The following ZC2HC1B variants were observed in gnomAD, a reference collection of about 807,000 sequenced individuals.
The protein encoded by ZC2HC1B is zinc finger C2HC domain-containing protein 1B.
In ZC2HC1B, 36 loss-of-function variants were observed where a neutral mutation model predicts 31.0. The ratio of observed to expected loss-of-function variants is 1.16; its 90% CI spans 0.89 to 1.54. The LOEUF (loss-of-function observed/expected upper bound fraction) is 1.54. Ranked by LOEUF, ZC2HC1B falls within the 40% of genes most tolerant of loss-of-function variation. ZC2HC1B has a pLI of 0.00. For missense variants in ZC2HC1B, 260 were observed against 268.6 expected, an observed-to-expected ratio of 0.97 and a Z score of 0.22; for synonymous variants, 73 against 88.0, an observed-to-expected ratio of 0.83 and a Z score of 0.95.
chr6:143,882,760 T>C (rs1447251152), intron 1 of ZC2HC1B, among the ~76,000 whole-genome samples: 1 of 152,094 alleles, frequency 6.6e-6, no homozygotes, highest in East Asian at 1.9e-4. Context: ...ACCTCCCTCA[T>C]TTCCATCCTG....
rs1167007715 is a variant in ZC2HC1B, at chr6:143,886,786, C to A, written c.314C>A (p.Pro105His). Reference protein sequence around the residue: ...QCMLAIKEGRPLPPPPPPSLN... With the variant: ...QCMLAIKEGRHLPPPPPPSLN... ...ATGCTAGCCATTAAAGAAGGCCGACCCCTCCCACCTCCACCCCCTCCATCC... is the reference window on the plus strand; with the variant it reads ...ATGCTAGCCATTAAAGAAGGCCGACACCTCCCACCTCCACCCCCTCCATCC... Residue 105 changes from proline to histidine, a missense_variant, in exon 4 of 8, where the codon CCC becomes CAC. By Grantham distance (77) the Pro-to-His change is moderately conservative. Coordinates refer to ENST00000237275, the MANE Select transcript of ZC2HC1B (RefSeq NM_001013623.3). This position sits in a 1 kb window ranked among gnomAD's most constrained non-coding sequence, Gnocchi z 4.2. The A allele has an allele frequency of 1.3e-6, 2 of 1,545,372 alleles. No individual in the cohort carries two copies. The highest frequency in any genetic ancestry group is 1.7e-6 in the Non-Finnish European group (2 of 1,144,116).
chr6:143,910,713 T>C (rs1055114203), intron 6 of ZC2HC1B, among the ~76,000 whole-genome samples: 1 of 152,222 alleles, frequency 6.6e-6, no homozygotes, highest in Non-Finnish European at 1.5e-5. Context: ...TTTACCTTTA[T>C]GTAATGCCCT....
chr6:143,920,898 C>A (rs1279565901), intron 6 of ZC2HC1B, among the ~76,000 whole-genome samples: 1 of 137,712 alleles, frequency 7.3e-6, no homozygotes, highest in Non-Finnish European at 1.5e-5. Flanking sequence ...CAGCGAGAGA[C>A]TCCGTCTCAA....
Position 143,915,976 on chromosome 6 carries a change from G to A in ZC2HC1B, c.598+12824G>A, listed in dbSNP as rs1304034646. Among the ~76,000 whole-genome samples, 1 of 152,192 alleles carries A rather than the reference G, an allele frequency of 6.6e-6. No homozygotes were observed. ...TGCAGAAATTTGTATAGGTAATGAGGAGCTGAATGTTAGTCCCCAAGACAA... is the reference window on the plus strand; with the variant it reads ...TGCAGAAATTTGTATAGGTAATGAGAAGCTGAATGTTAGTCCCCAAGACAA... On this transcript the variant is annotated intron_variant, in intron 6 of 7. Transcript: ENST00000237275. This position sits in a 1 kb window ranked among gnomAD's most constrained non-coding sequence, Gnocchi z 5.2.
rs1434183569 is a variant in ZC2HC1B, at chr6:143,865,504, C to T, written c.28+937C>T. Among the ~76,000 whole-genome samples, 1 of 152,172 alleles carries T rather than the reference C, an allele frequency of 6.6e-6. No individual in the cohort carries two copies. The highest frequency in any genetic ancestry group is 2.4e-5 in the African/African-American group (1 of 41,436). On this transcript the variant is annotated intron_variant, in intron 1 of 7. Transcript: ENST00000237275. This position sits in a 1 kb window ranked among gnomAD's most constrained non-coding sequence, Gnocchi z 4.4. ...CCTGCACGCATCCCTCCCCTGCATC[C>T]TTGACCCTCCTTCCCTGGTTTATGT...
chr6:143,879,794 T>TG, intron 1 of ZC2HC1B, among the ~76,000 whole-genome samples: 1 of 151,196 alleles, frequency 6.6e-6, no homozygotes, highest in East Asian at 1.9e-4. Context: ...TGTTTTTGTT[T>TG]TTTTTTTTTT....
chr6:143,914,851 C>G (rs527659090), intron 6 of ZC2HC1B, among the ~76,000 whole-genome samples: 4 of 152,020 alleles, frequency 2.6e-5, no homozygotes, highest in Non-Finnish European at 5.9e-5. Flanking sequence ...TATTTGCATG[C>G]TATATCTTTT....
rs1460913385 is a variant in ZC2HC1B at position 143,869,467 on chromosome 6, T to G, written c.28+4900T>G. On this transcript the variant is annotated intron_variant, in intron 1 of 7. Coordinates refer to ENST00000237275, the MANE Select transcript of ZC2HC1B (RefSeq NM_001013623.3). The surrounding 1 kb of genome is among the most constrained non-coding windows in gnomAD (Gnocchi z 5.2). ...GCATGCGCCCACTGCTGCACTTCTT[T>G]ATCTGTAAAGTGAGTGCCTCTCTCT... Among the ~76,000 whole-genome samples, 1 of 152,210 alleles carries G rather than the reference T, an allele frequency of 6.6e-6. No homozygotes were observed. Among genetic ancestry groups the G allele is most frequent in the Non-Finnish European group, 1.5e-5 (1 of 68,028 alleles).
intron 1 of ZC2HC1B, among the ~76,000 whole-genome samples, chr6:143,876,932 C>T (rs1353324290): frequency 6.6e-6 from 1 of 150,426 alleles, no homozygotes; most frequent in Non-Finnish European, 1.5e-5. Context: ...AGCCCACTGA[C>T]TCAAGTGTTA....
Position 143,865,825 on chromosome 6 carries a change from T to G in ZC2HC1B, c.28+1258T>G, listed in dbSNP as rs1777252883. Reference sequence around the variant, plus strand: ...TGAAGAATTTGTATCTTAAACTTTTTTTTTTTGCCAAGACAGGTCTTGCTC... The same window carrying G: ...TGAAGAATTTGTATCTTAAACTTTTGTTTTTTGCCAAGACAGGTCTTGCTC... On this transcript the variant is annotated intron_variant, in intron 1 of 7. Transcript: ENST00000237275. The surrounding 1 kb of genome is among the most constrained non-coding windows in gnomAD (Gnocchi z 4.4). 6.6e-6 allele frequency among the ~76,000 whole-genome samples: 1 copy of G among 152,180 alleles called. No homozygotes were observed. The highest frequency in any genetic ancestry group is 2.4e-5 in the African/African-American group (1 of 41,448).
In ZC2HC1B at chr6:143,911,795, C is replaced by A. The variant is rs984079413; in HGVS notation, c.598+8643C>A. Among the ~76,000 whole-genome samples, 1 of 152,018 alleles carries A rather than the reference C, an allele frequency of 6.6e-6. No individual in the cohort carries two copies. The highest frequency in any genetic ancestry group is 1.5e-5 in the Non-Finnish European group (1 of 68,018). Reference sequence around the variant, plus strand: ...ATTTTACTGGGGTTCTCCACATTTCCTGAATTTGAATATTGGCCTGTCATG... The same window carrying A: ...ATTTTACTGGGGTTCTCCACATTTCATGAATTTGAATATTGGCCTGTCATG... On this transcript the variant is annotated intron_variant, in intron 6 of 7. Coordinates refer to ENST00000237275, the MANE Select transcript of ZC2HC1B (RefSeq NM_001013623.3). The surrounding 1 kb of genome is among the most constrained non-coding windows in gnomAD (Gnocchi z 4.5).
rs150290551 is a variant in ZC2HC1B at position 143,921,864 on chromosome 6, G to T, written c.599-15785G>T. 2.4e-3 allele frequency among the ~76,000 whole-genome samples: 370 copies of T among 152,302 alleles called. 5 individuals are homozygous for T. The highest frequency in any genetic ancestry group is 0.014 in the Middle Eastern group (4 of 294). On this transcript the variant is annotated intron_variant, in intron 6 of 7. Coordinates refer to ENST00000237275, the MANE Select transcript of ZC2HC1B (RefSeq NM_001013623.3). This position sits in a 1 kb window ranked among gnomAD's most constrained non-coding sequence, Gnocchi z 6.1. ...GGAGGATTGCTTGAGTCCAGTACAA[G>T]TGTTCAAGGCTGCAATGAGCTATGA...
At position 143,918,335 on chromosome 6, in the gene ZC2HC1B, A is replaced by G. The variant is rs1159629454; in HGVS notation, c.598+15183A>G. On this transcript the variant is annotated intron_variant, in intron 6 of 7. Coordinates refer to ENST00000237275, the MANE Select transcript of ZC2HC1B (RefSeq NM_001013623.3). This position sits in a 1 kb window ranked among gnomAD's most constrained non-coding sequence, Gnocchi z 4.1. ...TTTTTGAAGGACAGTTTTTCTGTATATGAGATTTTTGGTTGACAGTTTTTT... is the reference window on the plus strand; with the variant it reads ...TTTTTGAAGGACAGTTTTTCTGTATGTGAGATTTTTGGTTGACAGTTTTTT... Among the ~76,000 whole-genome samples the G allele has an allele frequency of 6.6e-6, 1 of 152,098 alleles. No homozygotes were observed. Among genetic ancestry groups the G allele is most frequent in the African/African-American group, 2.4e-5 (1 of 41,414 alleles).
rs1474630918 is a variant in ZC2HC1B at position 143,923,759 on chromosome 6, A to G, written c.599-13890A>G. On this transcript the variant is annotated intron_variant, in intron 6 of 7. Transcript: ENST00000237275. This position sits in a 1 kb window ranked among gnomAD's most constrained non-coding sequence, Gnocchi z 4.8. Reference sequence around the variant, plus strand: ...CTTTGTTGAAAATCAGTTAGCTGTAAATACATGCATGTATTCCTGGAGTGT... The same window carrying G: ...CTTTGTTGAAAATCAGTTAGCTGTAGATACATGCATGTATTCCTGGAGTGT... 6.6e-6 allele frequency among the ~76,000 whole-genome samples: 1 copy of G among 152,076 alleles called. No individual in the cohort carries two copies. The highest frequency in any genetic ancestry group is 1.5e-5 in the Non-Finnish European group (1 of 67,954).
At chr6:143,929,892 T>C (rs9484832) in intron 6 of ZC2HC1B, among the ~76,000 whole-genome samples, 97,505 of 152,020 alleles carry the variant, frequency 0.64, 31,715 homozygotes, top group South Asian at 0.8. Flanking sequence ...ATAGTCATAG[T>C]AGTCTCTGAT....
rs1778000265 is a variant in ZC2HC1B, at chr6:143,923,074, A to G, written c.599-14575A>G. 6.6e-6 allele frequency among the ~76,000 whole-genome samples: 1 copy of G among 152,056 alleles called. No individual in the cohort carries two copies. Among genetic ancestry groups the G allele is most frequent in the South Asian group, 2.1e-4 (1 of 4,834 alleles). ...TCTAACAAGGGTAAGATTTTGTCTCATTGCGTCTTGGATTGGCATTTCCCT... is the reference window on the plus strand; with the variant it reads ...TCTAACAAGGGTAAGATTTTGTCTCGTTGCGTCTTGGATTGGCATTTCCCT... On this transcript the variant is annotated intron_variant, in intron 6 of 7. Coordinates refer to ENST00000237275, the MANE Select transcript of ZC2HC1B (RefSeq NM_001013623.3). This position sits in a 1 kb window ranked among gnomAD's most constrained non-coding sequence, Gnocchi z 4.8.
rs1777492453 is a variant in ZC2HC1B, at chr6:143,883,362, T to C, written c.29-942T>C. Among the ~76,000 whole-genome samples the C allele has an allele frequency of 6.6e-6, 1 of 152,126 alleles. No individual in the cohort carries two copies. The highest frequency in any genetic ancestry group is 2.4e-5 in the African/African-American group (1 of 41,426). ...CCCACCTGCAGCTTTTTCACTAAAC[T>C]CCGCTCTTCTCCCACTATACTCGCA... is the stretch of plus-strand genomic sequence containing the variant. On this transcript the variant is annotated intron_variant, in intron 1 of 7. Coordinates refer to ENST00000237275, the MANE Select transcript of ZC2HC1B (RefSeq NM_001013623.3). This position sits in a 1 kb window ranked among gnomAD's most constrained non-coding sequence, Gnocchi z 4.1.
intron 6 of ZC2HC1B, among the ~76,000 whole-genome samples, chr6:143,914,701 T>C (rs1375876591): frequency 6.6e-6 from 1 of 152,192 alleles, no homozygotes; most frequent in African/African-American, 2.4e-5. Context: ...CCTTTAGTTC[T>C]GTTGATTTTT....
intron 6 of ZC2HC1B, among the ~76,000 whole-genome samples, chr6:143,928,956 G>T (rs1778085446): frequency 6.6e-6 from 1 of 151,466 alleles, no homozygotes; most frequent in South Asian, 2.1e-4. Flanking sequence ...GAACTTTACT[G>T]AATTCATTTA....
Sources: allele counts gnomAD v4.1 joint callset (sites outside exome capture counted in the v4.1 genomes callset), GRCh38; gene constraint gnomAD v4.1.1; non-coding constraint Gnocchi (gnomAD v3.1); transcripts MANE v1.5; gene names NCBI Gene and HGNC (gene_info 2026-07-23, HGNC 2026-07-21).